EPB41L4B: variants seen among roughly 807,000 people sequenced by gnomAD.
The protein encoded by EPB41L4B is erythrocyte membrane protein band 4.1 like 4B.
EPB41L4B carries 30 observed loss-of-function variants against 112.5 expected under a neutral mutation model. The ratio of observed to expected loss-of-function variants is 0.27; its 90% CI spans 0.20 to 0.36. The LOEUF is 0.36. EPB41L4B is among the 10% of genes least tolerant of loss of function. The probability of loss-of-function intolerance (pLI) is 1.00; values close to 1 mark genes in which losing one functional copy is unlikely to be tolerated. For missense variants in EPB41L4B, 1,024 were observed against 1,133.3 expected (o/e 0.90, Z 1.38); for synonymous variants, 408 against 439.7 (o/e 0.93, Z 0.90).
intron 6 of EPB41L4B, among the ~76,000 whole-genome samples, chr9:109,262,291 C>CCCAA (rs201912615): frequency 6.6e-6 from 1 of 152,142 alleles, no homozygotes; most frequent in East Asian, 1.9e-4. Context: ...AGTCAAGGGA[C>CCCAA]CCAACACAGA....
intron 2 of EPB41L4B, among the ~76,000 whole-genome samples, chr9:109,275,321 A>G (rs1588198452): frequency 1.3e-5 from 2 of 152,148 alleles, no homozygotes; most frequent in African/African-American, 4.8e-5. Flanking sequence ...AGGAGGCTCA[A>G]TTATGGGGCA....
At chr9:109,294,085 T>G (rs934191152) in intron 1 of EPB41L4B, among the ~76,000 whole-genome samples, 8 of 149,724 alleles carry the variant, frequency 5.3e-5, no homozygotes, top group African/African-American at 2.0e-4. Context: ...GTCAGGCAGA[T>G]CACGAGGTCA....
At chr9:109,189,441 G>C (rs182063278) in intron 22 of EPB41L4B, among the ~76,000 whole-genome samples, 1 of 152,286 alleles carries the variant, frequency 6.6e-6, no homozygotes, top group Admixed American at 6.5e-5. Context: ...AGATCAAGAT[G>C]TGTTACAGGA....
intron 12 of EPB41L4B, 80 bp from the exon 13 acceptor site, chr9:109,251,591 C>T (rs959577771): frequency 2.4e-5 from 31 of 1,283,908 alleles, no homozygotes; most frequent in Admixed American, 2.4e-4. Context: ...AATGGCCATG[C>T]GAGACTTCTA....
chr9:109,251,218 C>T (rs566479859), intron 13 of EPB41L4B, among the ~76,000 whole-genome samples: 2 of 152,340 alleles, frequency 1.3e-5, no homozygotes, highest in South Asian at 4.1e-4. Context: ...TCTACCTTTC[C>T]CACCCACTGT....
At chr9:109,189,937 T>C (rs1832401598) in intron 22 of EPB41L4B, among the ~76,000 whole-genome samples, 1 of 151,684 alleles carries the variant, frequency 6.6e-6, no homozygotes. Context: ...GCTTTTTCTT[T>C]TCTTTTCTTT....
chr9:109,274,432 G>C (rs528854093), intron 2 of EPB41L4B, among the ~76,000 whole-genome samples: 2 of 152,136 alleles, frequency 1.3e-5, no homozygotes, highest in South Asian at 4.1e-4. Context: ...GTAATACGTA[G>C]ACAGTCTCTC....
rs1835483313 is a variant in EPB41L4B, at chr9:109,268,371, G to C, written c.454+20C>G. 1.2e-6 allele frequency: 2 copies of C among 1,608,642 alleles called. No individual in the cohort carries two copies. Among genetic ancestry groups the C allele is most frequent in the South Asian group, 1.1e-5 (1 of 89,744 alleles). The stretch of plus-strand genomic sequence containing the variant: ...TCTCAGAAAAAAAATAAATGAGTGA[G>C]CTAAATTCTGCTTACTTACTTTTCA... On this transcript the variant is annotated intron_variant, in intron 3 of 25. Transcript: ENST00000374566.
rs762033963 is a variant in EPB41L4B at position 109,174,588 on chromosome 9, TTC to T, written c.2667_2668del (p.Lys890AspfsTer38). The T allele has an allele frequency of 6.2e-7, 1 of 1,614,076 alleles. No homozygotes were observed. Among genetic ancestry groups the T allele is most frequent in the Non-Finnish European group, 8.5e-7 (1 of 1,179,970 alleles). On this transcript the variant is annotated frameshift_variant, in exon 26 of 26. Coordinates refer to ENST00000374566, the MANE Select transcript of EPB41L4B (RefSeq NM_019114.5). LOFTEE classifies it high-confidence loss of function. ...GGTCATCAACAGTCTTTTCATCATC[TTC>T]TCTCTCTCCAGTTCCTGCCGGAGTG...
chr9:109,283,120 C>T (rs1281542620), intron 1 of EPB41L4B, among the ~76,000 whole-genome samples: 2 of 152,184 alleles, frequency 1.3e-5, no homozygotes, highest in Non-Finnish European at 2.9e-5. Context: ...CAGATGCACA[C>T]TTGGGTGACA....
intron 15 of EPB41L4B, among the ~76,000 whole-genome samples, chr9:109,242,050 A>G (rs1235879230): frequency 6.6e-6 from 1 of 152,224 alleles, no homozygotes; most frequent in Non-Finnish European, 1.5e-5. Flanking sequence ...CATTTCTCAA[A>G]GGGTGTCTCA....
At chr9:109,237,527 A>C (rs1247884573) in intron 15 of EPB41L4B, among the ~76,000 whole-genome samples, 3 of 152,216 alleles carry the variant, frequency 2.0e-5, no homozygotes, top group African/African-American at 7.2e-5. Context: ...GAAGGAAGCC[A>C]TAGAGTGGAC....
intron 1 of EPB41L4B, among the ~76,000 whole-genome samples, chr9:109,318,052 G>C (rs969755628): frequency 2.6e-5 from 4 of 152,174 alleles, no homozygotes; most frequent in Admixed American, 2.0e-4. Flanking sequence ...TCGATGAGCT[G>C]TGCCCACTGG....
intron 1 of EPB41L4B, among the ~76,000 whole-genome samples, chr9:109,290,362 G>A (rs1467029858): frequency 1.3e-5 from 2 of 152,166 alleles, no homozygotes; most frequent in Non-Finnish European, 2.9e-5. Flanking sequence ...GAATAACATG[G>A]TGTGCTCTTT....
At chr9:109,281,126 C>CTT (rs377524946) in intron 1 of EPB41L4B, among the ~76,000 whole-genome samples, 11 of 133,716 alleles carry the variant, frequency 8.2e-5, no homozygotes, top group South Asian at 2.5e-4. Context: ...AAATGTGAGA[C>CTT]TTTTTTTTTT....
intron 7 of EPB41L4B, among the ~76,000 whole-genome samples, chr9:109,257,081 G>A (rs963890832): frequency 5.3e-5 from 8 of 152,218 alleles, no homozygotes; most frequent in African/African-American, 1.9e-4. Context: ...CTGCAGGGAG[G>A]AGAGTGGATG....
Position 109,173,369 on chromosome 9 carries a change from CT to C in EPB41L4B, c.*1184del, listed in dbSNP as rs1396885956. ...CATGCTCTTTGACCTTGTAATCCCT[CT>C]TTGGAGATATTCCTAAGGGAATAAT... On this transcript the variant is annotated 3_prime_UTR_variant, in exon 26 of 26. Coordinates refer to ENST00000374566, the MANE Select transcript of EPB41L4B (RefSeq NM_019114.5). 2 of 151,850 alleles carry C rather than the reference CT, an allele frequency of 1.3e-5. No homozygotes were observed. Among genetic ancestry groups the C allele is most frequent in the Non-Finnish European group, 2.9e-5 (2 of 67,966 alleles). The allele number at this position is 151,850 out of a possible 1,614,324, so 9.4% of individuals were successfully genotyped here. A position where few individuals can be genotyped will look rare whatever the true frequency, so the allele number is the denominator to read the frequency against.
At chr9:109,209,070 A>G (rs933312196) in intron 17 of EPB41L4B, among the ~76,000 whole-genome samples, 1 of 152,204 alleles carries the variant, frequency 6.6e-6, no homozygotes, top group Non-Finnish European at 1.5e-5. Flanking sequence ...GCAAGAATCA[A>G]ATGTCCCAAA....
intron 1 of EPB41L4B, among the ~76,000 whole-genome samples, chr9:109,281,119 T>A (rs1161020158): frequency 6.7e-6 from 1 of 150,328 alleles, no homozygotes; most frequent in African/African-American, 2.4e-5. Flanking sequence ...GTCATCAAAA[T>A]GTGAGACTTT....
Sources: allele counts gnomAD v4.1 joint callset (sites outside exome capture counted in the v4.1 genomes callset), GRCh38; gene constraint gnomAD v4.1.1; transcripts MANE v1.5; gene names NCBI Gene and HGNC (gene_info 2026-07-23, HGNC 2026-07-21).